Variants in SH2D4B observed in about 807,000 individuals in gnomAD.
SH2D4B encodes the protein SH2 domain-containing protein 4B.
A neutral mutation model predicts 61.5 loss-of-function variants in SH2D4B; 45 were observed. The ratio of observed to expected loss-of-function variants is 0.73; its 90% confidence interval spans 0.58 to 0.94. SH2D4B has a LOEUF of 0.94. SH2D4B is among the 40% of genes least tolerant of loss of function. SH2D4B has a pLI of 0.00. For synonymous variants in SH2D4B, 224 were observed against 220.4 expected (o/e 1.02, Z -0.14); for missense variants, 572 against 574.2 (o/e 1.00, Z 0.04).
At position 80,646,131 on chromosome 10, in the gene SH2D4B, T is replaced by C. The variant is rs868133797; in HGVS notation, c.*2046T>C. On this transcript the variant is annotated 3_prime_UTR_variant, in exon 8 of 8. Transcript: ENST00000646907. Reference sequence around the variant, plus strand: ...TTAAATGATAAACATGAAAGCTCTGTCCAAATGAAAAAGGTATTTCTAACA... The same window carrying C: ...TTAAATGATAAACATGAAAGCTCTGCCCAAATGAAAAAGGTATTTCTAACA... The C allele has an allele frequency of 1.3e-5, 2 of 152,576 alleles. No homozygotes were observed. Among genetic ancestry groups the C allele is most frequent in the African/African-American group, 4.8e-5 (2 of 41,424 alleles). The allele number at this position is 152,576 out of a possible 1,614,324, so 9.5% of individuals were successfully genotyped here.
intron 6 of SH2D4B, among the ~76,000 whole-genome samples, chr10:80,612,273 T>A (rs1384119302): frequency 2.0e-5 from 3 of 150,926 alleles, no homozygotes; most frequent in Non-Finnish European, 2.9e-5. Flanking sequence ...ATATAGGAAT[T>A]CCCTGGTGGA....
intron 1 of SH2D4B, among the ~76,000 whole-genome samples, chr10:80,565,514 G>A (rs1371981232): frequency 6.6e-6 from 1 of 151,798 alleles, no homozygotes; most frequent in African/African-American, 2.4e-5. Context: ...TCCTGCCTCA[G>A]CCTCCCTGCT....
At chr10:80,586,110 C>T (rs541488140) in intron 3 of SH2D4B, among the ~76,000 whole-genome samples, 4 of 152,318 alleles carry the variant, frequency 2.6e-5, no homozygotes, top group East Asian at 3.9e-4. Flanking sequence ...GCTGCCTCCC[C>T]GTGGGGCAGG....
chr10:80,596,689 G>A (rs569185850), intron 4 of SH2D4B, among the ~76,000 whole-genome samples: 2 of 152,298 alleles, frequency 1.3e-5, no homozygotes, highest in East Asian at 3.9e-4. Flanking sequence ...GAGGTTGCGG[G>A]AACACTAAGC....
At chr10:80,629,404 A>T (rs1197217767) in intron 6 of SH2D4B, among the ~76,000 whole-genome samples, 1 of 152,248 alleles carries the variant, frequency 6.6e-6, no homozygotes, top group East Asian at 1.9e-4. Flanking sequence ...TGATAATTCA[A>T]CATGAGATTT....
At position 80,538,666 on chromosome 10, in the gene SH2D4B, A is replaced by G. The variant is rs534029988; in HGVS notation, c.184+151A>G. The stretch of plus-strand genomic sequence containing the variant: ...CCTTGTCTTGTGGGCATCAGGTCCC[A>G]TGAGCCTGTGCTTTTGCCTTTTGGC... On this transcript the variant is annotated intron_variant, in intron 1 of 7. Coordinates refer to ENST00000646907, the MANE Select transcript of SH2D4B (RefSeq NM_001388272.1). This position sits in a 1 kb window ranked among gnomAD's most constrained non-coding sequence, Gnocchi z 4.8. 66 of 669,406 alleles carry G rather than the reference A, an allele frequency of 9.9e-5. No homozygotes were observed. The African/African-American group carries it at 1.2e-3, about 12-fold the overall frequency. 41.5% of individuals were successfully genotyped at this position (669,406 alleles called of 1,614,324 possible).
chr10:80,633,686 G>A (rs1842859639), intron 6 of SH2D4B, among the ~76,000 whole-genome samples: 1 of 152,228 alleles, frequency 6.6e-6, no homozygotes. Flanking sequence ...ACTGCATTGT[G>A]TAGGAGTGCA....
intron 6 of SH2D4B, among the ~76,000 whole-genome samples, chr10:80,630,599 C>T (rs1395597319): frequency 6.6e-6 from 1 of 152,206 alleles, no homozygotes; most frequent in Non-Finnish European, 1.5e-5. Context: ...CAGGCACTGC[C>T]TTTCCCAATC....
intron 4 of SH2D4B, 145 bp downstream of exon 4, chr10:80,588,922 G>A: frequency 1.1e-6 from 1 of 941,340 alleles, no homozygotes; most frequent in Non-Finnish European, 1.6e-6. Flanking sequence ...GCTCAGTCCT[G>A]CTAAGAATTT....
chr10:80,635,450 T>C (rs1158985217), intron 7 of SH2D4B, among the ~76,000 whole-genome samples: 1 of 152,188 alleles, frequency 6.6e-6, no homozygotes, highest in Non-Finnish European at 1.5e-5. Context: ...GGTTTTGGTA[T>C]AATAGGGACT....
chr10:80,562,923 A>C (rs1451398562), intron 1 of SH2D4B, among the ~76,000 whole-genome samples: 2 of 98,590 alleles, frequency 2.0e-5, no homozygotes, highest in Non-Finnish European at 3.7e-5. Context: ...TTTTTTTGAG[A>C]CGGAGTCTCG....
chr10:80,563,898 T>C (rs1841936684), intron 1 of SH2D4B, among the ~76,000 whole-genome samples: 1 of 152,244 alleles, frequency 6.6e-6, no homozygotes, highest in Non-Finnish European at 1.5e-5. Context: ...TTATGTTTCA[T>C]AGGGCTTATT....
intron 6 of SH2D4B, among the ~76,000 whole-genome samples, chr10:80,622,114 T>C (rs1190775036): frequency 6.6e-6 from 1 of 152,164 alleles, no homozygotes; most frequent in Non-Finnish European, 1.5e-5. Context: ...AGAGTTGAGT[T>C]CATCAGCCAT....
At chr10:80,584,154 T>A (rs1842216021) in intron 3 of SH2D4B, among the ~76,000 whole-genome samples, 1 of 152,210 alleles carries the variant, frequency 6.6e-6, no homozygotes, top group Non-Finnish European at 1.5e-5. Context: ...AGAAAGTGTC[T>A]CTATGCATTC....
At chr10:80,554,957 C>T (rs1223576014) in intron 1 of SH2D4B, among the ~76,000 whole-genome samples, 3 of 136,138 alleles carry the variant, frequency 2.2e-5, no homozygotes, top group South Asian at 4.5e-4. Context: ...TGCAGTGAGC[C>T]GAGATTGCGC....
chr10:80,610,021 G>C (rs915276809), intron 6 of SH2D4B, among the ~76,000 whole-genome samples: 2 of 152,288 alleles, frequency 1.3e-5, no homozygotes, highest in Middle Eastern at 3.4e-3. Flanking sequence ...GTGGCTCCTT[G>C]AAAGTCCCTC....
At chr10:80,630,144 G>A (rs1464154359) in intron 6 of SH2D4B, among the ~76,000 whole-genome samples, 2 of 152,202 alleles carry the variant, frequency 1.3e-5, no homozygotes, top group Non-Finnish European at 2.9e-5. Context: ...GCCTGCTCCT[G>A]GAGTACAGCT....
intron 3 of SH2D4B, among the ~76,000 whole-genome samples, chr10:80,578,853 G>A (rs548281965): frequency 3.9e-4 from 59 of 152,298 alleles, no homozygotes; most frequent in Non-Finnish European, 7.2e-4. Context: ...ATGACAACGA[G>A]GAAGGAGAGA....
At chr10:80,540,537 A>C (rs535280164) in intron 1 of SH2D4B, among the ~76,000 whole-genome samples, 26 of 152,230 alleles carry the variant, frequency 1.7e-4, no homozygotes, top group Non-Finnish European at 3.5e-4. Flanking sequence ...CAGAGAAGTG[A>C]TGCGCTACAT....
Sources: gnomAD v4.1 joint callset for allele counts (sites outside exome capture counted in the v4.1 genomes callset) on GRCh38, gnomAD v4.1.1 for gene constraint, Gnocchi (gnomAD v3.1) non-coding constraint, MANE v1.5 for transcripts, NCBI Gene and HGNC (gene_info 2026-07-23, HGNC 2026-07-21) for gene names.